FHIT: variants seen among roughly 807,000 people sequenced by gnomAD.
FHIT encodes the protein bis(5'-adenosyl)-triphosphatase.
A neutral mutation model predicts 17.9 loss-of-function variants in FHIT; 19 were observed. That is an observed-to-expected ratio of 1.06 (90% confidence interval 0.74 to 1.56). FHIT has a LOEUF of 1.56. Among genes scored for constraint, FHIT ranks in the 40% most tolerant of loss-of-function variants. FHIT has a pLI of 0.00. For synonymous variants in FHIT, 81 were observed against 69.7 expected, an observed-to-expected ratio of 1.16 and a Z score of -0.81; for missense variants, 248 against 189.2, an observed-to-expected ratio of 1.31 and a Z score of -1.82.
intron 2 of FHIT, among the ~76,000 whole-genome samples, chr3:61,115,072 G>A (rs2036261471): frequency 6.6e-6 from 1 of 152,028 alleles, no homozygotes; most frequent in Admixed American, 6.6e-5. Context: ...CAGATAATAT[G>A]GTAAATCATC....
At chr3:60,852,345 T>A (rs1382778993) in intron 3 of FHIT, among the ~76,000 whole-genome samples, 3 of 152,082 alleles carry the variant, frequency 2.0e-5, no homozygotes, top group Non-Finnish European at 2.9e-5. Flanking sequence ...CCAGCCTCCA[T>A]AGTCACAAGA....
chr3:60,643,272 C>T (rs1384848843), intron 4 of FHIT, among the ~76,000 whole-genome samples: 1 of 151,732 alleles, frequency 6.6e-6, no homozygotes, highest in Non-Finnish European at 1.5e-5. Flanking sequence ...TTACTGGAAA[C>T]ACATCCTATG....
At chr3:60,046,364 G>C (rs1005962013) in intron 5 of FHIT, among the ~76,000 whole-genome samples, 8 of 152,298 alleles carry the variant, frequency 5.3e-5, no homozygotes, top group African/African-American at 1.9e-4. Context: ...AACCAGCTGC[G>C]TCTGTCAATG....
intron 8 of FHIT, among the ~76,000 whole-genome samples, chr3:59,791,136 G>A (rs762180890): frequency 6.6e-6 from 1 of 152,140 alleles, no homozygotes; most frequent in Non-Finnish European, 1.5e-5. Flanking sequence ...TAATTATCCT[G>A]TTCCTCAGGC....
chr3:60,073,073 T>TG (rs959843106), intron 5 of FHIT, among the ~76,000 whole-genome samples: 3 of 152,208 alleles, frequency 2.0e-5, no homozygotes, highest in Admixed American at 6.5e-5. Flanking sequence ...TCTTTCCTAT[T>TG]GGGGGAAATT....
At chr3:60,213,473 G>C (rs1407944152) in intron 5 of FHIT, among the ~76,000 whole-genome samples, 1 of 152,184 alleles carries the variant, frequency 6.6e-6, no homozygotes, top group Non-Finnish European at 1.5e-5. Context: ...ACATTGGACA[G>C]ACCCAAGTCA....
chr3:60,153,814 C>A (rs576456944), intron 5 of FHIT, among the ~76,000 whole-genome samples: 67 of 152,184 alleles, frequency 4.4e-4, no homozygotes, highest in Non-Finnish European at 1.2e-4. Context: ...CCAGGCCCTT[C>A]CAGCCCTGGC....
At chr3:60,016,317 G>A (rs1174162455) in intron 5 of FHIT, among the ~76,000 whole-genome samples, 9 of 152,128 alleles carry the variant, frequency 5.9e-5, no homozygotes, top group East Asian at 1.9e-4. Context: ...TAAAGGAAGC[G>A]AAGGTCAATA....
intron 8 of FHIT, among the ~76,000 whole-genome samples, chr3:59,849,088 C>T (rs72888548): frequency 5.1e-4 from 78 of 152,238 alleles, no homozygotes; most frequent in African/African-American, 1.8e-3. Context: ...ATAAGATTCT[C>T]GGCCAGGCTC....
intron 5 of FHIT, among the ~76,000 whole-genome samples, chr3:60,089,839 A>G (rs1703655845): frequency 6.6e-6 from 1 of 152,148 alleles, no homozygotes; most frequent in African/African-American, 2.4e-5. Flanking sequence ...ATCTCGTAAT[A>G]TTGTTGAATT....
At chr3:61,024,964 T>C (rs2032656381) in intron 3 of FHIT, among the ~76,000 whole-genome samples, 1 of 152,156 alleles carries the variant, frequency 6.6e-6, no homozygotes, top group South Asian at 2.1e-4. Context: ...AAGATACGTT[T>C]TAGACATTAC....
At chr3:59,915,859 G>T (rs768046663) in intron 8 of FHIT, among the ~76,000 whole-genome samples, 1 of 151,986 alleles carries the variant, frequency 6.6e-6, no homozygotes, top group South Asian at 2.1e-4. Context: ...TTGAGACCCG[G>T]GGTTTGAGGC....
intron 7 of FHIT, among the ~76,000 whole-genome samples, chr3:59,993,653 C>T (rs186786992): frequency 1.3e-5 from 2 of 151,954 alleles, no homozygotes; most frequent in East Asian, 1.9e-4. Context: ...GAGGTTATTA[C>T]CCACTTTCTG....
chr3:60,689,498 G>A (rs896300249), intron 4 of FHIT, among the ~76,000 whole-genome samples: 5 of 152,016 alleles, frequency 3.3e-5, no homozygotes, highest in African/African-American at 1.2e-4. Flanking sequence ...TTATTCCAGG[G>A]ACTTGAGCAT....
Position 59,748,965 on chromosome 3 carries a change from T to C in FHIT, c.*620A>G, listed in dbSNP as rs1700737512. 6.6e-6 allele frequency among the ~76,000 whole-genome samples: 1 copy of C among 152,058 alleles called. No individual in the cohort carries two copies. The highest frequency in any genetic ancestry group is 1.5e-5 in the Non-Finnish European group (1 of 68,000). ...TTGAGAATTGTGCAGTTTTGCAGAG[T>C]GAGCACCATGAATGTCTTTAAACTT... On this transcript the variant is annotated 3_prime_UTR_variant, in exon 10 of 10. Transcript: ENST00000492590.
At chr3:60,078,366 T>C (rs1181951769) in intron 5 of FHIT, among the ~76,000 whole-genome samples, 1 of 152,168 alleles carries the variant, frequency 6.6e-6, no homozygotes, top group Non-Finnish European at 1.5e-5. Flanking sequence ...TGTAGGATTC[T>C]GGCCAATATG....
chr3:61,010,344 T>C (rs569287639), intron 3 of FHIT, among the ~76,000 whole-genome samples: 2 of 152,216 alleles, frequency 1.3e-5, no homozygotes, highest in African/African-American at 2.4e-5. Flanking sequence ...TAGGGTATTA[T>C]TGCAGACCTA....
chr3:59,969,858 C>T (rs1481180117), intron 7 of FHIT, among the ~76,000 whole-genome samples: 1 of 152,010 alleles, frequency 6.6e-6, no homozygotes, highest in Non-Finnish European at 1.5e-5. Context: ...CTTAAATTGT[C>T]TATAATAAGT....
intron 5 of FHIT, among the ~76,000 whole-genome samples, chr3:60,533,375 A>C (rs2035857082): frequency 6.6e-6 from 1 of 152,206 alleles, no homozygotes; most frequent in Admixed American, 6.5e-5. Flanking sequence ...AACACAGTAC[A>C]TTTGGATGCT....
Sources: allele counts gnomAD v4.1 joint callset (sites outside exome capture counted in the v4.1 genomes callset), GRCh38; gene constraint gnomAD v4.1.1; transcripts MANE v1.5; gene names NCBI Gene and HGNC (gene_info 2026-07-23, HGNC 2026-07-21).